The following SPSB1 variants were observed in gnomAD, a reference collection of about 807,000 sequenced individuals.
SPSB1 encodes the protein SPRY domain-containing SOCS box protein 1.
SPSB1 carries 8 observed loss-of-function variants against 21.2 expected under a neutral mutation model. That is an observed-to-expected ratio of 0.38 (90% CI 0.22 to 0.68). The LOEUF (loss-of-function observed/expected upper bound fraction) is 0.68, where lower values mean the gene tolerates loss of function less well. Ranked by LOEUF, SPSB1 falls within the 30% of genes least tolerant of loss-of-function variation. The pLI, the probability that SPSB1 is intolerant of heterozygous loss-of-function variation, is 0.53. For synonymous variants in SPSB1, 169 were observed against 161.7 expected (o/e 1.05, Z -0.34); for missense variants, 242 against 377.8 (o/e 0.64, Z 2.98).
At chr1:9,315,918 G>T (rs1025121947) in intron 1 of SPSB1, among the ~76,000 whole-genome samples, 10 of 152,198 alleles carry the variant, frequency 6.6e-5, no homozygotes, top group Non-Finnish European at 1.0e-4. Context: ...CAAGAAGAGG[G>T]CTCGCCAGTT....
intron 1 of SPSB1, among the ~76,000 whole-genome samples, chr1:9,316,917 G>A (rs1319411194): frequency 6.6e-6 from 1 of 152,130 alleles, no homozygotes; most frequent in South Asian, 2.1e-4. Flanking sequence ...GAGTGCCCCC[G>A]GGTAGAGGGA....
intron 2 of SPSB1, among the ~76,000 whole-genome samples, chr1:9,359,427 G>C (rs1200400648): frequency 6.6e-6 from 1 of 152,194 alleles, no homozygotes; most frequent in Non-Finnish European, 1.5e-5. Flanking sequence ...TCTGCGGCTG[G>C]GCGCGGTGGC....
rs1353727815 is a variant in SPSB1 at position 9,345,986 on chromosome 1, G to A, written c.-149-9757G>A. On this transcript the variant is annotated intron_variant, in intron 1 of 2. Transcript: ENST00000328089. The surrounding 1 kb of genome is among the most constrained non-coding windows in gnomAD (Gnocchi z 4.8). Reference sequence around the variant, plus strand: ...AGGGGCTCCATGGCCCAGCCAGCACGGAGCATGCCCCGAGCCCTTCCACCA... The same window carrying A: ...AGGGGCTCCATGGCCCAGCCAGCACAGAGCATGCCCCGAGCCCTTCCACCA... Among the ~76,000 whole-genome samples, 2 of 152,208 alleles carry A rather than the reference G, an allele frequency of 1.3e-5. No individual in the cohort carries two copies. Among genetic ancestry groups the A allele is most frequent in the Admixed American group, 6.5e-5 (1 of 15,276 alleles).
At chr1:9,362,025 T>C (rs1640489156) in intron 2 of SPSB1, among the ~76,000 whole-genome samples, 1 of 152,236 alleles carries the variant, frequency 6.6e-6, no homozygotes, top group African/African-American at 2.4e-5. Context: ...ATGGGTTTGG[T>C]GTGGTTTGTC....
intron 1 of SPSB1, among the ~76,000 whole-genome samples, chr1:9,347,196 TG>T (rs1177921082): frequency 1.3e-5 from 2 of 152,240 alleles, no homozygotes; most frequent in South Asian, 2.1e-4. Flanking sequence ...CTACCAGTTA[TG>T]GATCCTTAAC....
intron 1 of SPSB1, among the ~76,000 whole-genome samples, chr1:9,333,573 C>T (rs560449655): frequency 1.3e-5 from 2 of 152,076 alleles, no homozygotes; most frequent in South Asian, 4.1e-4. Context: ...TCAGGTGATC[C>T]GCCCACCTCG....
intron 1 of SPSB1, among the ~76,000 whole-genome samples, chr1:9,294,294 C>CT (rs1265524818): frequency 2.0e-5 from 3 of 151,122 alleles, no homozygotes; most frequent in African/African-American, 7.3e-5. Context: ...GTCTGTGTCT[C>CT]TGAGTGCGTC....
intron 1 of SPSB1, among the ~76,000 whole-genome samples, chr1:9,301,968 C>A (rs1451503411): frequency 6.6e-6 from 1 of 152,214 alleles, no homozygotes; most frequent in Non-Finnish European, 1.5e-5. Context: ...GCCAAAGTCA[C>A]CATCCATTGA....
Position 9,308,501 on chromosome 1 carries a change from C to T in SPSB1, c.-150+15430C>T, listed in dbSNP as rs61783493. Reference sequence around the variant, plus strand: ...CTGGCCCCTTCCTTGTTGGAGCTCCCGACAACTTGTTCCTGCCTTTTCCCT... The same window carrying T: ...CTGGCCCCTTCCTTGTTGGAGCTCCTGACAACTTGTTCCTGCCTTTTCCCT... On this transcript the variant is annotated intron_variant, in intron 1 of 2. Transcript: ENST00000328089. 4.1e-3 allele frequency among the ~76,000 whole-genome samples: 619 copies of T among 152,298 alleles called. 4 individuals are homozygous for T. The highest frequency in any genetic ancestry group is 0.013 in the African/African-American group (526 of 41,552).
chr1:9,361,714 T>C (rs1047959710), intron 2 of SPSB1, among the ~76,000 whole-genome samples: 11 of 152,242 alleles, frequency 7.2e-5, no homozygotes, highest in Non-Finnish European at 1.6e-4. Flanking sequence ...GGCCTTGTGC[T>C]GAGGATGCAG....
At chr1:9,320,192 T>C (rs1639694780) in intron 1 of SPSB1, among the ~76,000 whole-genome samples, 1 of 152,208 alleles carries the variant, frequency 6.6e-6, no homozygotes, top group African/African-American at 2.4e-5. Context: ...GAAACTTCCT[T>C]CTACAGATAT....
intron 1 of SPSB1, among the ~76,000 whole-genome samples, chr1:9,313,123 G>A (rs1039602843): frequency 3.3e-5 from 5 of 152,228 alleles, no homozygotes; most frequent in Non-Finnish European, 7.3e-5. Flanking sequence ...AAGTCCGGGC[G>A]CGGTGGCTCA....
At chr1:9,301,401 G>A (rs1639327460) in intron 1 of SPSB1, among the ~76,000 whole-genome samples, 1 of 152,162 alleles carries the variant, frequency 6.6e-6, no homozygotes, top group Admixed American at 6.5e-5. Flanking sequence ...TTGGGAGGCT[G>A]AGGTGGGAGG....
intron 1 of SPSB1, among the ~76,000 whole-genome samples, chr1:9,312,308 C>T (rs908821120): frequency 4.0e-5 from 6 of 151,710 alleles, no homozygotes; most frequent in African/African-American, 9.7e-5. Context: ...ATTACAGGCA[C>T]GAGCCATTGT....
At chr1:9,327,681 A>G (rs1235056139) in intron 1 of SPSB1, among the ~76,000 whole-genome samples, 1 of 152,200 alleles carries the variant, frequency 6.6e-6, no homozygotes, top group African/African-American at 2.4e-5. Flanking sequence ...TTTCTTCACC[A>G]TTTCCTAAGG....
chr1:9,358,767 C>G (rs1214355814), intron 2 of SPSB1, among the ~76,000 whole-genome samples: 1 of 152,182 alleles, frequency 6.6e-6, no homozygotes, highest in Non-Finnish European at 1.5e-5. Context: ...AACATGCCCC[C>G]TGATGCTGTC....
intron 1 of SPSB1, among the ~76,000 whole-genome samples, chr1:9,349,199 G>A (rs1245200537): frequency 4.6e-5 from 7 of 152,314 alleles, no homozygotes; most frequent in South Asian, 4.1e-4. Flanking sequence ...TCCAGGGCCC[G>A]TGGCTGCTCT....
intron 2 of SPSB1, among the ~76,000 whole-genome samples, chr1:9,359,484 A>G (rs1199268506): frequency 2.0e-5 from 3 of 152,036 alleles, no homozygotes; most frequent in Admixed American, 6.6e-5. Context: ...CAGGTGGATC[A>G]TGAGGTCAGT....
rs1016459354 is a variant in SPSB1, at chr1:9,356,282, A to G, written c.391A>G (p.Thr131Ala). The G allele has an allele frequency of 4.3e-6, 7 of 1,613,370 alleles. No homozygotes were observed. Among genetic ancestry groups the G allele is most frequent in the East Asian group, 2.2e-5 (1 of 44,876 alleles). Residue 131 changes from threonine to alanine, a missense_variant, in exon 2 of 3, where the codon ACC becomes GCC. Thr to Ala is a moderately conservative substitution (Grantham distance 58). Coordinates refer to ENST00000328089, the MANE Select transcript of SPSB1 (RefSeq NM_025106.4). The surrounding 1 kb of genome is among the most constrained non-coding windows in gnomAD (Gnocchi z 7.4). ...CCCCCTGCACTCTGTCGGGTACACA[A>G]CCCTCGTGGGGAATAACCACGAGTC... ...DAPLHSVGYT[T>A]LVGNNHESWG...
Sources: gnomAD v4.1 joint callset for allele counts (sites outside exome capture counted in the v4.1 genomes callset) on GRCh38, gnomAD v4.1.1 for gene constraint, Gnocchi (gnomAD v3.1) non-coding constraint, MANE v1.5 for transcripts, NCBI Gene and HGNC (gene_info 2026-07-23, HGNC 2026-07-21) for gene names.